KLHL1: variants seen among roughly 807,000 people sequenced by gnomAD.
KLHL1 encodes the protein kelch like family member 1.
KLHL1 carries 47 observed loss-of-function variants against 77.7 expected under a neutral mutation model. The ratio of observed to expected loss-of-function variants is 0.60; its 90% CI spans 0.48 to 0.77. The LOEUF (loss-of-function observed/expected upper bound fraction) is 0.77. KLHL1 is among the 30% of genes least tolerant of loss of function. KLHL1 has a pLI of 0.00. For missense variants in KLHL1, 925 were observed against 910.8 expected (o/e 1.02, Z -0.20); for synonymous variants, 360 against 325.2 (o/e 1.11, Z -1.15).
At chr13:70,002,079 G>A (rs1885306053) in intron 1 of KLHL1, among the ~76,000 whole-genome samples, 1 of 151,510 alleles carries the variant, frequency 6.6e-6, no homozygotes, top group Non-Finnish European at 1.5e-5. Flanking sequence ...AACTGGTTCT[G>A]CTTGATAGAA....
At chr13:69,771,226 G>A (rs898930305) in intron 7 of KLHL1, among the ~76,000 whole-genome samples, 1 of 146,108 alleles carries the variant, frequency 6.8e-6, no homozygotes, top group Admixed American at 7.0e-5. Flanking sequence ...TGTGTTGCCT[G>A]TTCTCTCTCT....
At position 69,839,416 on chromosome 13, in the gene KLHL1, T is replaced by G. The variant is rs1355290562; in HGVS notation, c.1228-254A>C. Among the ~76,000 whole-genome samples, 7 of 151,930 alleles carry G rather than the reference T, an allele frequency of 4.6e-5. No homozygotes were observed. The East Asian group carries it at 1.2e-3, about 25-fold the overall frequency. On this transcript the variant is annotated intron_variant, in intron 5 of 10. Coordinates refer to ENST00000377844, the MANE Select transcript of KLHL1 (RefSeq NM_020866.3). Reference sequence around the variant, plus strand: ...CACAGAGTAAAAAAAACACTTATAGTGATCAGCTTTTCTATTCATTTTCTT... The same window carrying G: ...CACAGAGTAAAAAAAACACTTATAGGGATCAGCTTTTCTATTCATTTTCTT...
chr13:69,907,340 T>C (rs1277463004), intron 4 of KLHL1, among the ~76,000 whole-genome samples: 1 of 152,022 alleles, frequency 6.6e-6, no homozygotes, highest in African/African-American at 2.4e-5. Flanking sequence ...ACACTGCAAG[T>C]GTTTCCAAAA....
chr13:69,989,316 C>T (rs978864703), intron 1 of KLHL1, among the ~76,000 whole-genome samples: 4 of 151,620 alleles, frequency 2.6e-5, no homozygotes, highest in African/African-American at 7.3e-5. Flanking sequence ...TTGGTCTATG[C>T]GTCTCTTTTT....
intron 4 of KLHL1, among the ~76,000 whole-genome samples, chr13:69,892,781 T>A (rs964703465): frequency 2.0e-5 from 3 of 152,124 alleles, no homozygotes; most frequent in Admixed American, 6.5e-5. Flanking sequence ...AAGAAAGAAG[T>A]CAGTACAGAA....
At chr13:70,000,682 A>C (rs1042195982) in intron 1 of KLHL1, among the ~76,000 whole-genome samples, 1 of 151,888 alleles carries the variant, frequency 6.6e-6, no homozygotes, top group Non-Finnish European at 1.5e-5. Flanking sequence ...TAAAAATATA[A>C]TTTAAATAAT....
chr13:69,795,379 T>C (rs1877058502), intron 7 of KLHL1, among the ~76,000 whole-genome samples: 1 of 152,212 alleles, frequency 6.6e-6, no homozygotes, highest in Non-Finnish European at 1.5e-5. Flanking sequence ...TGCTTACCTG[T>C]GAATGTCTAA....
At chr13:69,711,868 A>G (rs965983986) in intron 9 of KLHL1, among the ~76,000 whole-genome samples, 2 of 152,100 alleles carry the variant, frequency 1.3e-5, no homozygotes, top group Non-Finnish European at 2.9e-5. Flanking sequence ...TCTCTCCAAC[A>G]TGCAGTATTA....
At chr13:69,889,503 T>A (rs1881347491) in intron 4 of KLHL1, among the ~76,000 whole-genome samples, 1 of 152,022 alleles carries the variant, frequency 6.6e-6, no homozygotes, top group South Asian at 2.1e-4. Context: ...ATTTGATTAA[T>A]TTTTTTCTGG....
At chr13:69,927,351 G>A (rs560732100) in intron 4 of KLHL1, among the ~76,000 whole-genome samples, 2 of 151,986 alleles carry the variant, frequency 1.3e-5, no homozygotes, top group African/African-American at 4.8e-5. Flanking sequence ...TTGGTTAAAC[G>A]TTCCTTAACT....
intron 1 of KLHL1, among the ~76,000 whole-genome samples, chr13:70,005,825 TCATATATTAGTAAA>T (rs1452604640): frequency 6.6e-6 from 1 of 151,982 alleles, no homozygotes; most frequent in Non-Finnish European, 1.5e-5. Flanking sequence ...TAAAGTATTG[TCATATATTAGTAAA>T]AATAAGAAAA....
At chr13:69,888,034 A>G (rs1198975620) in intron 4 of KLHL1, among the ~76,000 whole-genome samples, 1 of 152,182 alleles carries the variant, frequency 6.6e-6, no homozygotes, top group African/African-American at 2.4e-5. Flanking sequence ...ACAGAAAATT[A>G]TTGCTCACAG....
intron 1 of KLHL1, among the ~76,000 whole-genome samples, chr13:70,103,331 C>A (rs2137457282): frequency 6.6e-6 from 1 of 152,252 alleles, no homozygotes; most frequent in African/African-American, 2.4e-5. Context: ...AAGGACAGAG[C>A]ATTCAGAACC....
chr13:70,028,109 G>A (rs1438087512), intron 1 of KLHL1, among the ~76,000 whole-genome samples: 1 of 152,122 alleles, frequency 6.6e-6, no homozygotes, highest in Non-Finnish European at 1.5e-5. Flanking sequence ...AGTGAAAGGG[G>A]TAGGAAATAA....
chr13:69,888,699 G>A (rs185521118), intron 4 of KLHL1, among the ~76,000 whole-genome samples: 22 of 151,838 alleles, frequency 1.4e-4, no homozygotes, highest in Middle Eastern at 3.4e-3. Context: ...TTGAATTTCC[G>A]GTCATTAGAA....
intron 3 of KLHL1, among the ~76,000 whole-genome samples, chr13:69,944,811 G>T (rs1006800223): frequency 1.3e-5 from 2 of 151,972 alleles, no homozygotes; most frequent in African/African-American, 4.8e-5. Flanking sequence ...TTTTAAGACT[G>T]ATTACAAAGT....
At chr13:69,735,981 T>C (rs1337863223) in intron 8 of KLHL1, among the ~76,000 whole-genome samples, 1 of 152,180 alleles carries the variant, frequency 6.6e-6, no homozygotes, top group Non-Finnish European at 1.5e-5. Flanking sequence ...TATGCACATA[T>C]ACAGTGTTAA....
intron 1 of KLHL1, among the ~76,000 whole-genome samples, chr13:70,082,998 G>T (rs1887433673): frequency 6.6e-6 from 1 of 151,940 alleles, no homozygotes; most frequent in Non-Finnish European, 1.5e-5. Context: ...GCCCAGGGTT[G>T]AAAAACTATT....
chr13:69,913,752 T>C (rs1036661619), intron 4 of KLHL1, among the ~76,000 whole-genome samples: 3 of 152,344 alleles, frequency 2.0e-5, no homozygotes, highest in East Asian at 1.9e-4. Context: ...ACTCTTTTTA[T>C]GTGTAAATCA....
Sources: gnomAD v4.1 joint callset for allele counts (sites outside exome capture counted in the v4.1 genomes callset) on GRCh38, gnomAD v4.1.1 for gene constraint, MANE v1.5 for transcripts, NCBI Gene and HGNC (gene_info 2026-07-23, HGNC 2026-07-21) for gene names.